Variants in NOS1AP observed in about 807,000 individuals in gnomAD.
NOS1AP encodes nitric oxide synthase 1 adaptor protein.
A neutral mutation model predicts 56.2 loss-of-function variants in NOS1AP; 21 were observed. The ratio of observed to expected loss-of-function variants is 0.37; its 90% CI spans 0.26 to 0.54. The LOEUF (loss-of-function observed/expected upper bound fraction) is 0.54, where lower values mean the gene tolerates loss of function less well. Among genes scored for constraint, NOS1AP ranks in the 20% least tolerant of loss-of-function variants. The pLI, the probability that NOS1AP is intolerant of heterozygous loss-of-function variation, is 0.84. For missense variants in NOS1AP, 522 were observed against 657.8 expected (o/e 0.79, Z 2.26); for synonymous variants, 270 against 274.6 (o/e 0.98, Z 0.17).
In NOS1AP at chr1:162,368,438, C is replaced by CAAAAAAAAAAAA. The variant is rs3065060; in HGVS notation, c.*973_*984dup. The CAAAAAAAAAAAA allele has an allele frequency of 6.9e-6, 1 of 145,728 alleles. No individual in the cohort carries two copies. The highest frequency in any genetic ancestry group is 1.5e-5 in the Non-Finnish European group (1 of 66,970). The allele number at this position is 145,728 out of a possible 1,614,324, so 9.0% of individuals were successfully genotyped here. A position where few individuals can be genotyped will look rare whatever the true frequency, so the allele number is the denominator to read the frequency against. ...GGGCAGTGGTGGTCAGTTTTTACTG[C>CAAAAAAAAAAAA]AAAAAAAAAAAAAGAAAAAAGAGAA... On this transcript the variant is annotated 3_prime_UTR_variant, in exon 10 of 10. Coordinates refer to ENST00000361897, the MANE Select transcript of NOS1AP (RefSeq NM_014697.3).
chr1:162,363,816 C>CA (rs1294385314), intron 8 of NOS1AP: 9 of 985,214 alleles, frequency 9.1e-6, no homozygotes, highest in Middle Eastern at 5.2e-4. Flanking sequence ...TAATATGAGA[C>CA]AAAAAAATGA....
chr1:162,272,849 A>C (rs908602027), intron 2 of NOS1AP, among the ~76,000 whole-genome samples: 3 of 152,164 alleles, frequency 2.0e-5, no homozygotes, highest in Non-Finnish European at 2.9e-5. Context: ...CTATATCTTG[A>C]GCCCCAGAGC....
At chr1:162,258,917 A>G (rs1432793152) in intron 2 of NOS1AP, among the ~76,000 whole-genome samples, 2 of 152,176 alleles carry the variant, frequency 1.3e-5, no homozygotes, top group Non-Finnish European at 2.9e-5. Flanking sequence ...TGTAGGTGGG[A>G]TGACGTCTGG....
chr1:162,089,515 C>T (rs1692081219), intron 1 of NOS1AP, among the ~76,000 whole-genome samples: 1 of 152,186 alleles, frequency 6.6e-6, no homozygotes. Flanking sequence ...AATGGTCCCT[C>T]AAAAAGTATT....
Position 162,367,264 on chromosome 1 carries a change from C to G in NOS1AP, c.1318C>G (p.Pro440Ala). Reference sequence around the variant, plus strand: ...TCGCTTTCTTCCGCCCGAGGACACCCCGCCCCCAGCGCAGGGCGAGGCGCT... The same window carrying G: ...TCGCTTTCTTCCGCCCGAGGACACCGCGCCCCCAGCGCAGGGCGAGGCGCT... ...CFRFLPPEDT[P>A]PPAQGEALLG... Residue 440 changes from proline to alanine, a missense_variant, in exon 10 of 10, where the codon CCG (proline) becomes GCG (alanine). Transcript: ENST00000361897. This position sits in a 1 kb window ranked among gnomAD's most constrained non-coding sequence, Gnocchi z 6.5. 1 of 1,613,706 alleles carries G rather than the reference C, an allele frequency of 6.2e-7. No homozygotes were observed. Among genetic ancestry groups the G allele is most frequent in the Non-Finnish European group, 8.5e-7 (1 of 1,179,958 alleles).
At chr1:162,260,648 G>A (rs1041208112) in intron 2 of NOS1AP, among the ~76,000 whole-genome samples, 9 of 152,030 alleles carry the variant, frequency 5.9e-5, no homozygotes, top group Non-Finnish European at 1.2e-4. Flanking sequence ...ATGTGGTCCC[G>A]CCCAAAGAGG....
At chr1:162,238,467 T>G (rs1377598866) in intron 2 of NOS1AP, among the ~76,000 whole-genome samples, 1 of 152,200 alleles carries the variant, frequency 6.6e-6, no homozygotes, top group Admixed American at 6.5e-5. Flanking sequence ...TACCGGCAAC[T>G]GCTGCTACGT....
intron 5 of NOS1AP, among the ~76,000 whole-genome samples, chr1:162,341,950 G>A (rs1030720092): frequency 1.3e-5 from 2 of 152,196 alleles, no homozygotes; most frequent in African/African-American, 4.8e-5. Context: ...TGTTTTGGGA[G>A]TGGGAAGTGT....
chr1:162,213,739 C>A (rs758968715), intron 2 of NOS1AP, among the ~76,000 whole-genome samples: 2 of 152,128 alleles, frequency 1.3e-5, no homozygotes, highest in Admixed American at 1.3e-4. Context: ...TACTATTTGA[C>A]CCCTAGCTCT....
intron 1 of NOS1AP, among the ~76,000 whole-genome samples, chr1:162,114,941 G>A (rs1473974498): frequency 1.3e-4 from 20 of 152,200 alleles, no homozygotes; most frequent in Admixed American, 1.3e-3. Context: ...GCTCTAAGTG[G>A]CTTTTCAGTA....
chr1:162,098,546 G>C (rs890705715), intron 1 of NOS1AP, among the ~76,000 whole-genome samples: 2 of 148,352 alleles, frequency 1.3e-5, no homozygotes, highest in African/African-American at 4.9e-5. Context: ...ACATGTGCCA[G>C]ATGTCCAGGG....
chr1:162,336,067 A>G (rs1036582011), intron 5 of NOS1AP, among the ~76,000 whole-genome samples: 21 of 152,190 alleles, frequency 1.4e-4, no homozygotes, highest in African/African-American at 4.6e-4. Flanking sequence ...AAAATATTGC[A>G]GGAATATAAC....
At chr1:162,270,789 T>C (rs1441062419) in intron 2 of NOS1AP, among the ~76,000 whole-genome samples, 3 of 152,244 alleles carry the variant, frequency 2.0e-5, no homozygotes, top group Admixed American at 2.0e-4. Flanking sequence ...AAATATCACA[T>C]GGAACTCCAA....
rs375771088 is a variant in NOS1AP, at chr1:162,271,596, G to T, written c.178-15748G>T. Among the ~76,000 whole-genome samples the T allele has an allele frequency of 2.6e-3, 391 of 152,350 alleles. 1 individual carries two copies. Among genetic ancestry groups the T allele is most frequent in the Non-Finnish European group, 4.6e-3 (312 of 68,026 alleles). Reference sequence around the variant, plus strand: ...ATCAGTTCAGCCTTTCGTGTGTGCTGGTTCTCAGAGCATGAGCTTAGCTCT... The same window carrying T: ...ATCAGTTCAGCCTTTCGTGTGTGCTTGTTCTCAGAGCATGAGCTTAGCTCT... On this transcript the variant is annotated intron_variant, in intron 2 of 9. Coordinates refer to ENST00000361897, the MANE Select transcript of NOS1AP (RefSeq NM_014697.3).
At chr1:162,197,368 G>A (rs75559872) in intron 2 of NOS1AP, among the ~76,000 whole-genome samples, 5,314 of 152,238 alleles carry the variant, frequency 0.035, 112 homozygotes, top group Middle Eastern at 0.075. Flanking sequence ...CCCGTGGAGG[G>A]CACACGCATG....
intron 2 of NOS1AP, among the ~76,000 whole-genome samples, chr1:162,243,199 A>C (rs1045991846): frequency 1.3e-5 from 2 of 152,108 alleles, no homozygotes; most frequent in African/African-American, 4.8e-5. Context: ...TGTAGCCGAG[A>C]GGGGACAAGG....
Position 162,072,340 on chromosome 1 carries a change from T to C in NOS1AP, c.105+2058T>C, listed in dbSNP as rs538399493. 2.6e-4 allele frequency among the ~76,000 whole-genome samples: 40 copies of C among 152,288 alleles called. 1 individual carries two copies. Among genetic ancestry groups the C allele is most frequent in the Admixed American group, 2.5e-3 (39 of 15,298 alleles). On this transcript the variant is annotated intron_variant, in intron 1 of 9. Coordinates refer to ENST00000361897, the MANE Select transcript of NOS1AP (RefSeq NM_014697.3). The stretch of plus-strand genomic sequence containing the variant: ...ATTGTGGCCAGACTTTGAGAAATAT[T>C]GGGCTTGAGGGTTGCCTCCAATTTG...
intron 1 of NOS1AP, among the ~76,000 whole-genome samples, chr1:162,097,627 T>C (rs938310627): frequency 1.3e-5 from 2 of 152,248 alleles, no homozygotes; most frequent in African/African-American, 4.8e-5. Flanking sequence ...ATTCTGTCTG[T>C]TCACCACTTT....
At chr1:162,320,220 C>G (rs1009212065) in intron 4 of NOS1AP, among the ~76,000 whole-genome samples, 3 of 152,080 alleles carry the variant, frequency 2.0e-5, no homozygotes, top group South Asian at 2.1e-4. Context: ...ACCTGCTTTT[C>G]GGTGGTGGGG....
Sources: allele counts gnomAD v4.1 joint callset (sites outside exome capture counted in the v4.1 genomes callset), GRCh38; gene constraint gnomAD v4.1.1; non-coding constraint Gnocchi (gnomAD v3.1); transcripts MANE v1.5; gene names NCBI Gene and HGNC (gene_info 2026-07-23, HGNC 2026-07-21).